CAV1: variants seen among roughly 807,000 people sequenced by gnomAD.
The protein encoded by CAV1 is caveolin-1.
In CAV1, 10 loss-of-function variants were observed where a neutral mutation model predicts 16.5. That is an observed-to-expected ratio of 0.61 (90% CI 0.37 to 1.03). The LOEUF (loss-of-function observed/expected upper bound fraction) is 1.03, where lower values mean the gene tolerates loss of function less well. Ranked by LOEUF, CAV1 falls within the 50% of genes least tolerant of loss-of-function variation. The probability of loss-of-function intolerance (pLI) is 0.01; values close to 1 mark genes in which losing one functional copy is unlikely to be tolerated. For synonymous variants in CAV1, 76 were observed against 85.1 expected (o/e 0.89, Z 0.59); for missense variants, 212 against 232.8 (o/e 0.91, Z 0.58).
intron 2 of CAV1, among the ~76,000 whole-genome samples, chr7:116,530,745 T>C (rs1271018230): frequency 6.6e-6 from 1 of 151,800 alleles, no homozygotes; most frequent in Non-Finnish European, 1.5e-5. Flanking sequence ...TGGTAGGTGA[T>C]AAAGGTGAAA....
intron 2 of CAV1, among the ~76,000 whole-genome samples, chr7:116,546,701 A>AAAAAAAAAAAAAAAAAT: frequency 6.7e-6 from 1 of 150,138 alleles, no homozygotes; most frequent in Non-Finnish European, 1.5e-5. Context: ...CTGTCACAAA[A>AAAAAAAAAAAAAAAAAT]AAAAAAAAAA....
rs775370494 is a variant in CAV1 at position 116,540,998 on chromosome 7, G to A, written c.195+14309G>A. On this transcript the variant is annotated intron_variant, in intron 2 of 2. Coordinates refer to ENST00000341049, the MANE Select transcript of CAV1 (RefSeq NM_001753.5). ...AACACACCCATAGATGAATCCACAT[G>A]CCATACCTCCTTGAGTAAGTGGGGA... Among the ~76,000 whole-genome samples, 57 of 152,244 alleles carry A rather than the reference G, an allele frequency of 3.7e-4. 1 individual carries two copies. The highest frequency in any genetic ancestry group is 2.8e-3 in the Admixed American group (43 of 15,290).
intron 2 of CAV1, among the ~76,000 whole-genome samples, chr7:116,528,384 A>G (rs1225943292): frequency 1.3e-5 from 2 of 152,382 alleles, no homozygotes; most frequent in Admixed American, 6.5e-5. Flanking sequence ...CAGCATTTCA[A>G]AGAGCAAGTG....
intron 2 of CAV1, among the ~76,000 whole-genome samples, chr7:116,554,193 A>G (rs1168453702): frequency 6.6e-6 from 1 of 152,212 alleles, no homozygotes; most frequent in Non-Finnish European, 1.5e-5. Flanking sequence ...TCCCTTAAAT[A>G]CAAAGACCAA....
chr7:116,559,088 T>C lies in CAV1; in HGVS notation c.338T>C (p.Leu113Pro). 6.2e-7 allele frequency: 1 copy of C among 1,613,882 alleles called. No homozygotes were observed. The highest frequency in any genetic ancestry group is 8.5e-7 in the Non-Finnish European group (1 of 1,179,850). The change falls in exon 3 of 3, where the codon CTC (leucine) becomes CCC (proline). Residue 113 changes from leucine (L) to proline (P), a missense_variant. Physicochemically the swap from Leu to Pro is moderately conservative, Grantham distance 98. Coordinates refer to ENST00000341049, the MANE Select transcript of CAV1 (RefSeq NM_001753.5). ...GCCCTCTTTGGCATCCCGATGGCAC[T>C]CATCTGGGGCATTTACTTCGCCATT... ...LSALFGIPMA[L>P]IWGIYFAILS...
chr7:116,552,187 G>A (rs1004521576), intron 2 of CAV1, among the ~76,000 whole-genome samples: 3 of 152,168 alleles, frequency 2.0e-5, no homozygotes, highest in Admixed American at 2.0e-4. Flanking sequence ...CATCTTAGAT[G>A]CTGTCTATCG....
chr7:116,555,483 GAA>G (rs754338138), intron 2 of CAV1, among the ~76,000 whole-genome samples: 1,646 of 15,318 alleles, frequency 0.11, 513 homozygotes, highest in South Asian at 0.21. Flanking sequence ...AAGGAGGAAA[GAA>G]AAGAAAGAAA....
intron 2 of CAV1, among the ~76,000 whole-genome samples, chr7:116,549,073 GCACAGACACATATA>G (rs1196846597): frequency 6.6e-6 from 1 of 152,124 alleles, no homozygotes; most frequent in Non-Finnish European, 1.5e-5. Flanking sequence ...CTCTTTTCCT[GCACAGACACATATA>G]CACAGACACG....
At chr7:116,553,908 T>G (rs1299920183) in intron 2 of CAV1, among the ~76,000 whole-genome samples, 3 of 152,164 alleles carry the variant, frequency 2.0e-5, no homozygotes, top group Non-Finnish European at 2.9e-5. Flanking sequence ...ATGTTTAATT[T>G]CAGGTGCAGG....
At chr7:116,525,558 C>T in intron 1 of CAV1, 1 of 1,214,882 alleles carries the variant, frequency 8.2e-7, no homozygotes, top group Admixed American at 3.6e-5. Context: ...AGGCGGCGCG[C>T]GGTGTGTTTG....
chr7:116,556,853 A>G (rs1236190807), intron 2 of CAV1, among the ~76,000 whole-genome samples: 1 of 152,194 alleles, frequency 6.6e-6, no homozygotes, highest in East Asian at 1.9e-4. Flanking sequence ...CCAGATTAAG[A>G]ACACCTGCTG....
intron 2 of CAV1, among the ~76,000 whole-genome samples, chr7:116,550,464 G>A (rs913554878): frequency 1.3e-5 from 2 of 152,120 alleles, no homozygotes; most frequent in Non-Finnish European, 2.9e-5. Flanking sequence ...TTTCAGCAGG[G>A]GCTGCAAGAG....
chr7:116,541,818 T>C (rs1421380735), intron 2 of CAV1, among the ~76,000 whole-genome samples: 1 of 151,476 alleles, frequency 6.6e-6, no homozygotes, highest in African/African-American at 2.4e-5. Flanking sequence ...TAAGAGTGGC[T>C]AATCCCAGGA....
At chr7:116,538,072 A>G (rs1793861135) in intron 2 of CAV1, among the ~76,000 whole-genome samples, 1 of 152,194 alleles carries the variant, frequency 6.6e-6, no homozygotes, top group Non-Finnish European at 1.5e-5. Flanking sequence ...TGAGGAAAGG[A>G]AGCAGGTCCT....
Position 116,559,098 on chromosome 7 carries a change from C to T in CAV1, c.348C>T (p.Gly116=), listed in dbSNP as rs141642234. 255 of 1,613,888 alleles carry T rather than the reference C, an allele frequency of 1.6e-4. 1 individual carries two copies. The African/African-American group carries it at 3.0e-3, about 19-fold the overall frequency. ...GCATCCCGATGGCACTCATCTGGGG[C>T]ATTTACTTCGCCATTCTCTCTTTCC... ...LFGIPMALIW[G]IYFAILSFLH... The change falls in exon 3 of 3, where the codon GGC becomes GGT. Residue 116 remains glycine, a synonymous_variant. Transcript: ENST00000341049.
At chr7:116,533,480 C>A (rs573857694) in intron 2 of CAV1, among the ~76,000 whole-genome samples, 16 of 152,046 alleles carry the variant, frequency 1.1e-4, no homozygotes, top group Non-Finnish European at 1.9e-4. Flanking sequence ...TTATTTATTT[C>A]TTTTGAGACA....
In CAV1 at chr7:116,526,540, G is replaced by A. The variant is rs1793565920; in HGVS notation, c.46G>A (p.Val16Ile). 1.9e-6 allele frequency: 3 copies of A among 1,613,758 alleles called. No individual in the cohort carries two copies. Among genetic ancestry groups the A allele is most frequent in the African/African-American group, 1.3e-5 (1 of 74,874 alleles). ...YVDSEGHLYTVPIREQGNIYK... is the reference protein window; with the variant it reads ...YVDSEGHLYTIPIREQGNIYK... ...CCCTCTGCAGGGACATCTCTACACC[G>A]TTCCCATCCGGGAACAGGGCAACAT... The change falls in exon 2 of 3, where the codon GTT (valine) becomes ATT (isoleucine). Residue 16 changes from valine to isoleucine, a missense_variant. By Grantham distance (29) the Val-to-Ile change is conservative. Transcript: ENST00000341049.
At position 116,535,482 on chromosome 7, in the gene CAV1, C is replaced by A. The variant is rs3807985; in HGVS notation, c.195+8793C>A. Among the ~76,000 whole-genome samples, 55 of 152,322 alleles carry A rather than the reference C, an allele frequency of 3.6e-4. No individual in the cohort carries two copies. The East Asian group carries it at 8.9e-3, about 25-fold the overall frequency. ...ATCCTTCCATCACATATTTTCTCAG[C>A]TACTCAGTAAAAGATGTAAATGTTT... On this transcript the variant is annotated intron_variant, in intron 2 of 2. Transcript: ENST00000341049.
At chr7:116,525,676 C>T (rs1315200721) in intron 1 of CAV1, 1 of 1,090,670 alleles carries the variant, frequency 9.2e-7, no homozygotes, top group Non-Finnish European at 1.1e-6. Context: ...GCCACCATCA[C>T]TTCCAACGCC....
Sources: allele counts gnomAD v4.1 joint callset (sites outside exome capture counted in the v4.1 genomes callset), GRCh38; gene constraint gnomAD v4.1.1; transcripts MANE v1.5; gene names NCBI Gene and HGNC (gene_info 2026-07-23, HGNC 2026-07-21).